The following SEC22A variants were observed in gnomAD, a reference collection of about 807,000 sequenced individuals.
The protein encoded by SEC22A is vesicle-trafficking protein SEC22a.
In SEC22A, 22 loss-of-function variants were observed where a neutral mutation model predicts 35.3. That is an observed-to-expected ratio of 0.62 (90% CI 0.45 to 0.89). SEC22A has a LOEUF of 0.89. SEC22A is among the 40% of genes least tolerant of loss of function. SEC22A has a pLI of 0.00. For synonymous variants in SEC22A, 119 were observed against 129.5 expected, an observed-to-expected ratio of 0.92 and a Z score of 0.55; for missense variants, 354 against 362.5, an observed-to-expected ratio of 0.98 and a Z score of 0.19.
At chr3:123,269,794 G>A (rs760563879) in intron 6 of SEC22A, among the ~76,000 whole-genome samples, 12 of 151,628 alleles carry the variant, frequency 7.9e-5, no homozygotes, top group African/African-American at 1.7e-4. Flanking sequence ...CACCACACCC[G>A]ACTAATTTTT....
At chr3:123,222,840 C>T (rs74885898) in intron 2 of SEC22A, among the ~76,000 whole-genome samples, 2,018 of 152,170 alleles carry the variant, frequency 0.013, 44 homozygotes, top group African/African-American at 0.045. Context: ...TATACTAACC[C>T]GTAAAAATTT....
At chr3:123,265,062 A>G (rs1432551619) in intron 6 of SEC22A, among the ~76,000 whole-genome samples, 1 of 152,182 alleles carries the variant, frequency 6.6e-6, no homozygotes, top group African/African-American at 2.4e-5. Flanking sequence ...CCAACCATGG[A>G]TTGAAAATAT....
At chr3:123,245,821 C>T (rs1186982346) in intron 4 of SEC22A, 78 bp from the exon 5 acceptor site, 2 of 745,668 alleles carry the variant, frequency 2.7e-6, no homozygotes, top group Non-Finnish European at 4.7e-6. Flanking sequence ...TTAAGTTGAG[C>T]AGTGAATTTC....
rs147673158 is a variant in SEC22A at position 123,237,415 on chromosome 3, A to C, written c.542-8484A>C. 1.2e-4 allele frequency among the ~76,000 whole-genome samples: 19 copies of C among 152,324 alleles called. No individual in the cohort carries two copies. The Middle Eastern group carries it at 0.024, about 191-fold the overall frequency. The stretch of plus-strand genomic sequence containing the variant: ...AAAAGCACATGCAGTTGAAACCTAC[A>C]ATCTGTCATCCTCCAAGACACATCC... On this transcript the variant is annotated intron_variant, in intron 4 of 6. Transcript: ENST00000492595.
At chr3:123,247,423 AG>A (rs1400750065) in intron 5 of SEC22A, among the ~76,000 whole-genome samples, 2 of 152,222 alleles carry the variant, frequency 1.3e-5, no homozygotes, top group Non-Finnish European at 2.9e-5. Context: ...AATTCAGACA[AG>A]GCTATTGTAT....
chr3:123,269,565 G>A (rs967039849), intron 6 of SEC22A, among the ~76,000 whole-genome samples: 1 of 150,532 alleles, frequency 6.6e-6, no homozygotes, highest in African/African-American at 2.4e-5. Context: ...ACACACCCAA[G>A]TTGAGGGACA....
chr3:123,226,824 C>T (rs1937224977), intron 4 of SEC22A, among the ~76,000 whole-genome samples: 1 of 152,148 alleles, frequency 6.6e-6, no homozygotes, highest in Non-Finnish European at 1.5e-5. Context: ...CCAATGTTAT[C>T]TTTTAGTAAC....
intron 2 of SEC22A, among the ~76,000 whole-genome samples, chr3:123,211,326 TGAAAA>T (rs1388030340): frequency 1.3e-5 from 2 of 151,938 alleles, no homozygotes; most frequent in Admixed American, 6.6e-5. Flanking sequence ...ATACCAGAGA[TGAAAA>T]GAAGGAAGGG....
rs759259133 is a variant in SEC22A at position 123,271,674 on chromosome 3, G to C, written c.876G>C (p.Gln292His). 5.0e-6 allele frequency: 8 copies of C among 1,614,058 alleles called. No homozygotes were observed. The highest frequency in any genetic ancestry group is 5.9e-6 in the Non-Finnish European group (7 of 1,180,036). Reference protein sequence around the residue: ...HVTVGAFVTLQIWLRQAQGKA... With the variant: ...HVTVGAFVTLHIWLRQAQGKA... Reference sequence around the variant, plus strand: ...CTGTGGGAGCATTTGTTACACTACAGATCTGGCTAAGGCAAGCCCAGGGCA... The same window carrying C: ...CTGTGGGAGCATTTGTTACACTACACATCTGGCTAAGGCAAGCCCAGGGCA... The change falls in exon 7 of 7, where the codon CAG (glutamine) becomes CAC (histidine). Residue 292 changes from glutamine (Q) to histidine (H), a missense_variant. Coordinates refer to ENST00000492595, the MANE Select transcript of SEC22A (RefSeq NM_012430.5).
intron 4 of SEC22A, among the ~76,000 whole-genome samples, chr3:123,241,352 CA>C (rs1035359095): frequency 6.6e-6 from 1 of 152,138 alleles, no homozygotes; most frequent in Admixed American, 6.5e-5. Context: ...CTCATTCAGT[CA>C]CACTTCAGTA....
At chr3:123,260,155 A>C (rs1937853135) in intron 6 of SEC22A, among the ~76,000 whole-genome samples, 2 of 127,288 alleles carry the variant, frequency 1.6e-5, no homozygotes, top group African/African-American at 5.5e-5. Context: ...AAAAAAAAAA[A>C]AAAAAAAAAA....
intron 4 of SEC22A, among the ~76,000 whole-genome samples, chr3:123,237,530 C>G (rs1432939582): frequency 6.6e-6 from 1 of 152,174 alleles, no homozygotes; most frequent in Non-Finnish European, 1.5e-5. Flanking sequence ...TGGCACTGAT[C>G]TCTGTAATTA....
chr3:123,246,855 T>C (rs1937571479), intron 5 of SEC22A, among the ~76,000 whole-genome samples: 1 of 152,202 alleles, frequency 6.6e-6, no homozygotes, highest in African/African-American at 2.4e-5. Context: ...ATATTCTGTT[T>C]TTAAATTGCT....
intron 6 of SEC22A, among the ~76,000 whole-genome samples, chr3:123,262,874 T>C (rs1937924288): frequency 6.6e-6 from 1 of 152,222 alleles, no homozygotes; most frequent in Non-Finnish European, 1.5e-5. Context: ...TTTGGGATAA[T>C]TGTAGATTTA....
chr3:123,230,069 G>A (rs1394386516), intron 4 of SEC22A, among the ~76,000 whole-genome samples: 2 of 152,040 alleles, frequency 1.3e-5, no homozygotes, highest in Admixed American at 6.6e-5. Flanking sequence ...GATCCCATGA[G>A]CCCAGGAATT....
intron 4 of SEC22A, among the ~76,000 whole-genome samples, chr3:123,242,181 CTTCT>C (rs1937529976): frequency 1.3e-5 from 2 of 152,260 alleles, no homozygotes; most frequent in African/African-American, 4.8e-5. Flanking sequence ...CCTTGGCCTG[CTTCT>C]TTCTTTGACG....
At chr3:123,255,480 C>CAT (rs1229374122) in intron 5 of SEC22A, among the ~76,000 whole-genome samples, 6 of 152,114 alleles carry the variant, frequency 3.9e-5, no homozygotes, top group African/African-American at 7.2e-5. Flanking sequence ...TACACACACA[C>CAT]ATACACACAC....
chr3:123,232,052 A>G (rs1456260204), intron 4 of SEC22A, among the ~76,000 whole-genome samples: 1 of 152,184 alleles, frequency 6.6e-6, no homozygotes, highest in African/African-American at 2.4e-5. Context: ...TAGCCTGGCC[A>G]ACATAGCAAA....
intron 2 of SEC22A, among the ~76,000 whole-genome samples, chr3:123,223,349 A>T (rs1937162563): frequency 6.6e-6 from 1 of 152,216 alleles, no homozygotes; most frequent in African/African-American, 2.4e-5. Context: ...TCTGTAGTAC[A>T]TTCTATTTTT....
Sources: gnomAD v4.1 joint callset for allele counts (sites outside exome capture counted in the v4.1 genomes callset) on GRCh38, gnomAD v4.1.1 for gene constraint, MANE v1.5 for transcripts, NCBI Gene and HGNC (gene_info 2026-07-23, HGNC 2026-07-21) for gene names.